DLG2: variants seen among roughly 807,000 people sequenced by gnomAD.
DLG2 encodes disks large homolog 2.
A neutral mutation model predicts 132.5 loss-of-function variants in DLG2; 45 were observed. The observed-to-expected ratio is 0.34, with a 90% CI of 0.27 to 0.44. The LOEUF (loss-of-function observed/expected upper bound fraction) is 0.44. Ranked by LOEUF, DLG2 falls within the 20% of genes least tolerant of loss-of-function variation. The pLI is 1.00. For missense variants in DLG2, 1,045 were observed against 1,196.9 expected (o/e 0.87, Z 1.87); for synonymous variants, 424 against 419.6 (o/e 1.01, Z -0.13).
intron 18 of DLG2, among the ~76,000 whole-genome samples, chr11:83,785,221 T>A (rs909278133): frequency 1.3e-5 from 2 of 151,926 alleles, no homozygotes; most frequent in African/African-American, 4.8e-5. Flanking sequence ...CATCTGGCTA[T>A]TTTTTTGTAT....
intron 6 of DLG2, among the ~76,000 whole-genome samples, chr11:84,734,077 C>T (rs1420389507): frequency 1.3e-5 from 2 of 152,152 alleles, no homozygotes; most frequent in Non-Finnish European, 1.5e-5. Context: ...AGCATGATGC[C>T]TCCAGCTTTG....
intron 7 of DLG2, among the ~76,000 whole-genome samples, chr11:84,487,671 G>A (rs1049608620): frequency 6.6e-6 from 1 of 152,082 alleles, no homozygotes. Context: ...AAGCTAGTAA[G>A]AATGTTAAGA....
At position 84,106,242 on chromosome 11, in the gene DLG2, A is replaced by T. The variant is rs142782263; in HGVS notation, c.625-7195T>A. Among the ~76,000 whole-genome samples the T allele has an allele frequency of 4.6e-5, 7 of 152,280 alleles. No homozygotes were observed. In the East Asian group the frequency reaches 1.4e-3, roughly 29 times the overall value. ...TCCTGGAAGTCATTTTACTTTGAAA[A>T]GTAAATCTGGAGTGGCACAGGGAAT... is the stretch of plus-strand genomic sequence containing the variant. On this transcript the variant is annotated intron_variant, in intron 9 of 27. Coordinates refer to ENST00000376104, the MANE Select transcript of DLG2 (RefSeq NM_001142699.3).
intron 3 of DLG2, among the ~76,000 whole-genome samples, chr11:85,394,869 G>C (rs901364301): frequency 3.9e-5 from 6 of 152,134 alleles, no homozygotes; most frequent in Non-Finnish European, 8.8e-5. Flanking sequence ...GAACCTTGAT[G>C]TTACCACACA....
rs890645786 is a variant in DLG2, at chr11:84,816,755, C to G, written c.358-282024G>C. 2.6e-5 allele frequency among the ~76,000 whole-genome samples: 4 copies of G among 151,860 alleles called. No homozygotes were observed. The East Asian group carries it at 7.8e-4, about 30-fold the overall frequency. On this transcript the variant is annotated intron_variant, in intron 6 of 27. Coordinates refer to ENST00000376104, the MANE Select transcript of DLG2 (RefSeq NM_001142699.3). ...TAAAATAAAGATCTAACTCATATCCCCAACCATTACAGTCAAATTGCCTCA... is the reference window on the plus strand; with the variant it reads ...TAAAATAAAGATCTAACTCATATCCGCAACCATTACAGTCAAATTGCCTCA...
At chr11:83,762,560 T>A (rs991627815) in intron 18 of DLG2, among the ~76,000 whole-genome samples, 1 of 152,092 alleles carries the variant, frequency 6.6e-6, no homozygotes, top group African/African-American at 2.4e-5. Context: ...ATGGCAAACC[T>A]AAGTGTTGAG....
intron 6 of DLG2, among the ~76,000 whole-genome samples, chr11:84,909,813 T>C (rs1179980312): frequency 6.6e-6 from 1 of 152,206 alleles, no homozygotes; most frequent in African/African-American, 2.4e-5. Flanking sequence ...GTTAAGACTA[T>C]ATCAAAAATA....
At chr11:83,890,414 A>T (rs964113918) in intron 15 of DLG2, among the ~76,000 whole-genome samples, 2 of 152,100 alleles carry the variant, frequency 1.3e-5, no homozygotes, top group Admixed American at 6.5e-5. Context: ...GGCCCTAGAT[A>T]AGTCACTTCA....
At chr11:83,598,824 T>C (rs2058059132) in intron 19 of DLG2, among the ~76,000 whole-genome samples, 1 of 152,228 alleles carries the variant, frequency 6.6e-6, no homozygotes, top group Non-Finnish European at 1.5e-5. Flanking sequence ...CTCATGACTA[T>C]CATTCAACAT....
At chr11:83,747,184 C>T (rs953652412) in intron 18 of DLG2, among the ~76,000 whole-genome samples, 2 of 152,128 alleles carry the variant, frequency 1.3e-5, no homozygotes, top group African/African-American at 4.8e-5. Flanking sequence ...TATCATACTT[C>T]ATGTGGAGAA....
At chr11:85,475,645 A>C (rs543249680) in intron 3 of DLG2, among the ~76,000 whole-genome samples, 1 of 152,292 alleles carries the variant, frequency 6.6e-6, no homozygotes, top group South Asian at 2.1e-4. Flanking sequence ...GCTGTGTTCC[A>C]TAGTTCAAAG....
intron 15 of DLG2, among the ~76,000 whole-genome samples, chr11:83,905,795 T>C (rs532606192): frequency 2.6e-5 from 4 of 152,302 alleles, no homozygotes; most frequent in African/African-American, 9.6e-5. Context: ...AATGGTCTAA[T>C]TCACCTTTGA....
chr11:84,300,738 G>A (rs1216803280), intron 7 of DLG2, among the ~76,000 whole-genome samples: 1 of 152,090 alleles, frequency 6.6e-6, no homozygotes, highest in African/African-American at 2.4e-5. Flanking sequence ...CCAAATAAAA[G>A]CAAATTACTA....
At chr11:85,310,200 G>A (rs2080225079) in intron 3 of DLG2, among the ~76,000 whole-genome samples, 1 of 152,080 alleles carries the variant, frequency 6.6e-6, no homozygotes, top group Non-Finnish European at 1.5e-5. Flanking sequence ...CTTAGCTTGA[G>A]GTATATATTC....
At chr11:84,178,699 G>C (rs999543383) in intron 8 of DLG2, among the ~76,000 whole-genome samples, 8 of 151,610 alleles carry the variant, frequency 5.3e-5, no homozygotes, top group Non-Finnish European at 1.0e-4. Flanking sequence ...TGATCTAAAG[G>C]CACTGCTATG....
intron 3 of DLG2, among the ~76,000 whole-genome samples, chr11:85,503,477 C>G (rs1209266415): frequency 6.6e-6 from 1 of 152,004 alleles, no homozygotes; most frequent in Non-Finnish European, 1.5e-5. Context: ...TTTGAATGTT[C>G]CCTCCAAAAT....
chr11:84,138,731 T>C (rs2094709289), intron 9 of DLG2, among the ~76,000 whole-genome samples: 1 of 152,132 alleles, frequency 6.6e-6, no homozygotes, highest in Non-Finnish European at 1.5e-5. Context: ...GGCAGATCAC[T>C]TTATGTCAGG....
intron 6 of DLG2, among the ~76,000 whole-genome samples, chr11:85,098,725 C>T (rs918432401): frequency 1.3e-5 from 2 of 152,044 alleles, no homozygotes. Flanking sequence ...TTGAAATAGC[C>T]TTCAAGATCA....
At chr11:84,351,592 T>C (rs1347962772) in intron 7 of DLG2, among the ~76,000 whole-genome samples, 1 of 152,224 alleles carries the variant, frequency 6.6e-6, no homozygotes, top group Non-Finnish European at 1.5e-5. Flanking sequence ...GATTTATTGA[T>C]ATACAGTATT....
Sources: gnomAD v4.1 joint callset for allele counts (sites outside exome capture counted in the v4.1 genomes callset) on GRCh38, gnomAD v4.1.1 for gene constraint, MANE v1.5 for transcripts, NCBI Gene and HGNC (gene_info 2026-07-23, HGNC 2026-07-21) for gene names.